Variants in HS3ST4 observed in about 807,000 individuals in gnomAD.
HS3ST4 encodes the protein heparan sulfate-glucosamine 3-sulfotransferase 4.
In HS3ST4, 17 loss-of-function variants were observed where a neutral mutation model predicts 29.2. The ratio of observed to expected loss-of-function variants is 0.58; its 90% CI spans 0.40 to 0.87. The LOEUF (loss-of-function observed/expected upper bound fraction) is 0.87, where lower values mean the gene tolerates loss of function less well. HS3ST4 is among the 40% of genes least tolerant of loss of function. The probability of loss-of-function intolerance (pLI) is 0.00; values close to 1 mark genes in which losing one functional copy is unlikely to be tolerated. For synonymous variants in HS3ST4, 314 were observed against 285.7 expected, an observed-to-expected ratio of 1.10 and a Z score of -1.00; for missense variants, 627 against 634.5, an observed-to-expected ratio of 0.99 and a Z score of 0.13.
intron 1 of HS3ST4, among the ~76,000 whole-genome samples, chr16:26,125,806 A>C (rs1002961587): frequency 6.6e-6 from 1 of 152,130 alleles, no homozygotes; most frequent in African/African-American, 2.4e-5. Flanking sequence ...AGGCATCCTC[A>C]GTTTTCTTAT....
intron 1 of HS3ST4, among the ~76,000 whole-genome samples, chr16:25,727,635 T>C (rs1966545459): frequency 1.3e-5 from 2 of 152,128 alleles, no homozygotes; most frequent in African/African-American, 2.4e-5. Flanking sequence ...AACTCCTCCT[T>C]CTACAATGCC....
chr16:26,029,386 G>T (rs1240493337), intron 1 of HS3ST4, among the ~76,000 whole-genome samples: 2 of 151,396 alleles, frequency 1.3e-5, no homozygotes, highest in East Asian at 3.9e-4. Flanking sequence ...TTGAACAAGG[G>T]TCCCCACACT....
At chr16:26,134,072 A>G (rs1224196247) in intron 1 of HS3ST4, among the ~76,000 whole-genome samples, 2 of 152,176 alleles carry the variant, frequency 1.3e-5, no homozygotes, top group Non-Finnish European at 2.9e-5. Context: ...TTAGGGGAAA[A>G]TGGCATCAAA....
intron 1 of HS3ST4, among the ~76,000 whole-genome samples, chr16:26,046,725 A>G (rs776501587): frequency 2.6e-5 from 4 of 152,156 alleles, no homozygotes; most frequent in East Asian, 1.9e-4. Context: ...ATATATATAT[A>G]TATGTGTGTG....
chr16:26,115,368 A>C (rs72780064), intron 1 of HS3ST4, among the ~76,000 whole-genome samples: 1 of 152,032 alleles, frequency 6.6e-6, no homozygotes, highest in Non-Finnish European at 1.5e-5. Context: ...ATAGAGAGAC[A>C]GGGGATTGGT....
chr16:25,949,596 G>T (rs1160958632), intron 1 of HS3ST4, among the ~76,000 whole-genome samples: 1 of 152,146 alleles, frequency 6.6e-6, no homozygotes, highest in Non-Finnish European at 1.5e-5. Context: ...GTAGAATTAG[G>T]CTCTATTATG....
intron 1 of HS3ST4, among the ~76,000 whole-genome samples, chr16:26,075,813 T>C (rs573471904): frequency 5.2e-4 from 79 of 152,324 alleles, no homozygotes; most frequent in African/African-American, 1.7e-3. Flanking sequence ...CTAGAAAGAA[T>C]ACATTATCTG....
intron 1 of HS3ST4, among the ~76,000 whole-genome samples, chr16:25,933,809 G>T (rs113900349): frequency 0.096 from 14,599 of 151,984 alleles, 758 homozygotes; most frequent in South Asian, 0.14. Context: ...AGGAGGTGTT[G>T]GGCTCTTTTA....
At chr16:25,771,111 C>T (rs186146420) in intron 1 of HS3ST4, among the ~76,000 whole-genome samples, 246 of 152,182 alleles carry the variant, frequency 1.6e-3, no homozygotes, top group African/African-American at 5.5e-3. Context: ...CATGCATTAG[C>T]TATTTGTCCT....
chr16:25,697,777 A>T (rs966534329), intron 1 of HS3ST4, among the ~76,000 whole-genome samples: 1 of 151,844 alleles, frequency 6.6e-6, no homozygotes, highest in Non-Finnish European at 1.5e-5. Flanking sequence ...GCTTCAAGCG[A>T]TTATCCTGTC....
intron 1 of HS3ST4, among the ~76,000 whole-genome samples, chr16:26,045,007 C>T (rs1223682441): frequency 6.6e-6 from 1 of 152,150 alleles, no homozygotes; most frequent in Non-Finnish European, 1.5e-5. Context: ...GTCTGTGCAA[C>T]CATGATCCTG....
chr16:25,806,575 T>C (rs1966993456), intron 1 of HS3ST4, among the ~76,000 whole-genome samples: 1 of 152,228 alleles, frequency 6.6e-6, no homozygotes, highest in South Asian at 2.1e-4. Flanking sequence ...GCTATCATAT[T>C]TTCTAGTGTG....
At chr16:25,824,846 T>C (rs1413882516) in intron 1 of HS3ST4, 1 of 152,204 alleles carries the variant, frequency 6.6e-6, no homozygotes, top group Non-Finnish European at 1.5e-5. Flanking sequence ...CTGCACCTTC[T>C]CCTTGTGTTT....
intron 1 of HS3ST4, among the ~76,000 whole-genome samples, chr16:26,112,429 C>T (rs1456198281): frequency 2.3e-5 from 3 of 130,598 alleles, no homozygotes; most frequent in East Asian, 2.2e-4. Flanking sequence ...GTCACCTGGG[C>T]TGGAGTGCAG....
intron 1 of HS3ST4, among the ~76,000 whole-genome samples, chr16:25,927,484 G>A (rs185947459): frequency 6.6e-6 from 1 of 152,238 alleles, no homozygotes; most frequent in African/African-American, 2.4e-5. Flanking sequence ...ATTCTCTTTC[G>A]GGACTAGGGC....
intron 1 of HS3ST4, among the ~76,000 whole-genome samples, chr16:25,863,373 G>C (rs1288113205): frequency 6.6e-6 from 1 of 152,174 alleles, no homozygotes; most frequent in African/African-American, 2.4e-5. Flanking sequence ...GAGCCACTGT[G>C]CCTGGCCGTG....
At chr16:26,031,114 T>C (rs897661017) in intron 1 of HS3ST4, among the ~76,000 whole-genome samples, 4 of 152,154 alleles carry the variant, frequency 2.6e-5, no homozygotes, top group African/African-American at 9.7e-5. Context: ...GCTATGGATG[T>C]TATTGAGGTA....
chr16:26,112,116 G>A (rs1899139770), intron 1 of HS3ST4, among the ~76,000 whole-genome samples: 2 of 152,074 alleles, frequency 1.3e-5, no homozygotes, highest in Non-Finnish European at 2.9e-5. Flanking sequence ...CTAAATGAAG[G>A]AGTGCACTAG....
intron 1 of HS3ST4, among the ~76,000 whole-genome samples, chr16:25,743,590 C>T (rs149518677): frequency 3.7e-4 from 57 of 152,292 alleles, no homozygotes; most frequent in Non-Finnish European, 6.9e-4. Flanking sequence ...ACTACAACCT[C>T]TGCCTCCCGG....
Sources: gnomAD v4.1 joint callset for allele counts (sites outside exome capture counted in the v4.1 genomes callset) on GRCh38, gnomAD v4.1.1 for gene constraint, MANE v1.5 for transcripts, NCBI Gene and HGNC (gene_info 2026-07-23, HGNC 2026-07-21) for gene names.